The following NRXN3 variants were observed in gnomAD, a reference collection of about 807,000 sequenced individuals.
NRXN3 encodes neurexin 3.
NRXN3 carries 32 observed loss-of-function variants against 137.6 expected under a neutral mutation model. The observed-to-expected ratio is 0.23, with a 90% CI of 0.18 to 0.31. NRXN3 has a LOEUF of 0.31. NRXN3 is among the 10% of genes least tolerant of loss of function. NRXN3 has a pLI of 1.00. For missense variants in NRXN3, 1,574 were observed against 2,062.5 expected, an observed-to-expected ratio of 0.76 and a Z score of 4.59; for synonymous variants, 798 against 784.5, an observed-to-expected ratio of 1.02 and a Z score of -0.29.
intron 4 of NRXN3, among the ~76,000 whole-genome samples, chr14:78,463,613 T>C (rs1353206056): frequency 6.8e-6 from 1 of 148,024 alleles, no homozygotes; most frequent in African/African-American, 2.5e-5. Flanking sequence ...GGTGCACACA[T>C]AATAGATTAT....
At chr14:79,814,259 A>G (rs1286790595) in intron 20 of NRXN3, among the ~76,000 whole-genome samples, 1 of 152,194 alleles carries the variant, frequency 6.6e-6, no homozygotes, top group Non-Finnish European at 1.5e-5. Flanking sequence ...GCAGTCAAGC[A>G]TGTGTCTCTT....
chr14:79,002,371 A>G (rs1011935680), intron 15 of NRXN3, among the ~76,000 whole-genome samples: 1 of 151,942 alleles, frequency 6.6e-6, no homozygotes, highest in African/African-American at 2.4e-5. Context: ...CCCTCCTCTG[A>G]TCCTATCCCC....
chr14:79,366,434 GCTAA>G (rs760921199), intron 15 of NRXN3, among the ~76,000 whole-genome samples: 14 of 151,984 alleles, frequency 9.2e-5, no homozygotes, highest in Non-Finnish European at 5.9e-5. Context: ...TTTTGCACCC[GCTAA>G]CTGTCTCTAC....
intron 6 of NRXN3, chr14:78,695,414 A>T (rs556319958): frequency 1.3e-5 from 2 of 152,162 alleles, no homozygotes; most frequent in East Asian, 3.9e-4. Context: ...TTCTAAGAAC[A>T]TTGTTTGCTT....
intron 15 of NRXN3, among the ~76,000 whole-genome samples, chr14:79,088,533 T>TCG (rs1282520685): frequency 6.6e-6 from 1 of 152,096 alleles, no homozygotes; most frequent in African/African-American, 2.4e-5. Flanking sequence ...ATTATAATTA[T>TCG]CCTCCTTAAG....
intron 16 of NRXN3, among the ~76,000 whole-genome samples, chr14:79,604,633 A>G (rs1047467208): frequency 6.6e-6 from 1 of 152,128 alleles, no homozygotes; most frequent in African/African-American, 2.4e-5. Flanking sequence ...AAATCAGACC[A>G]TAATTTAACC....
chr14:79,059,250 CTTTTT>C (rs869266975), intron 15 of NRXN3, among the ~76,000 whole-genome samples: 2 of 78,316 alleles, frequency 2.6e-5, no homozygotes, highest in South Asian at 4.5e-4. Context: ...AGGCCCTATT[CTTTTT>C]TTTTTTTTTT....
chr14:78,226,177 G>C (rs1325375679), intron 1 of NRXN3, among the ~76,000 whole-genome samples: 1 of 152,030 alleles, frequency 6.6e-6, no homozygotes, highest in East Asian at 1.9e-4. Flanking sequence ...CTAATTTTTT[G>C]TATTTTTAGT....
chr14:78,180,432 A>T (rs1276760457), intron 1 of NRXN3, among the ~76,000 whole-genome samples: 1 of 152,258 alleles, frequency 6.6e-6, no homozygotes, highest in South Asian at 2.1e-4. Context: ...CTGCCGCTGC[A>T]TTAAGTTAAG....
At chr14:79,133,212 T>C (rs2057791458) in intron 15 of NRXN3, among the ~76,000 whole-genome samples, 1 of 152,230 alleles carries the variant, frequency 6.6e-6, no homozygotes, top group African/African-American at 2.4e-5. Flanking sequence ...ATCAGATGCA[T>C]TGGCTAATAC....
chr14:79,754,525 T>C (rs1274551215), intron 19 of NRXN3, among the ~76,000 whole-genome samples: 1 of 55,738 alleles, frequency 1.8e-5, no homozygotes, highest in African/African-American at 1.1e-4. Context: ...TATATATATA[T>C]ATATATATAT....
chr14:78,476,044 A>T (rs1160582227), intron 4 of NRXN3, among the ~76,000 whole-genome samples: 30 of 152,232 alleles, frequency 2.0e-4, no homozygotes, highest in Non-Finnish European at 1.5e-5. Flanking sequence ...GGGAATACAC[A>T]GTAAAAATAA....
Position 78,488,462 on chromosome 14 carries a change from C to T in NRXN3, c.758-156658C>T, listed in dbSNP as rs920103119. 5.3e-5 allele frequency among the ~76,000 whole-genome samples: 8 copies of T among 152,210 alleles called. No homozygotes were observed. In the East Asian group the frequency reaches 1.5e-3, roughly 29 times the overall value. On this transcript the variant is annotated intron_variant, in intron 4 of 20. Coordinates refer to ENST00000335750, the MANE Select transcript of NRXN3 (RefSeq NM_001330195.2). ...TGCATTTAGGTATAGTCGTAACATC[C>T]TAGAAATTAATTTAGAAAGCTGCTT...
chr14:78,262,723 A>G (rs1408264352), intron 2 of NRXN3, among the ~76,000 whole-genome samples: 1 of 152,192 alleles, frequency 6.6e-6, no homozygotes, highest in African/African-American at 2.4e-5. Context: ...TGTTGTTGCC[A>G]GGGACATTTA....
intron 20 of NRXN3, among the ~76,000 whole-genome samples, chr14:79,817,883 G>T (rs1474950573): frequency 1.3e-5 from 2 of 152,028 alleles, no homozygotes; most frequent in Admixed American, 6.6e-5. Context: ...GTTGATGGGG[G>T]TTATAAAATT....
chr14:79,576,343 T>A (rs188854577), intron 16 of NRXN3, among the ~76,000 whole-genome samples: 4 of 152,192 alleles, frequency 2.6e-5, no homozygotes, highest in Non-Finnish European at 4.4e-5. Context: ...AAGAGAGAAA[T>A]CAGAATAGCA....
intron 4 of NRXN3, among the ~76,000 whole-genome samples, chr14:78,424,300 T>C (rs966370374): frequency 2.6e-5 from 4 of 152,218 alleles, no homozygotes; most frequent in African/African-American, 9.6e-5. Flanking sequence ...TTGTCAGTTC[T>C]GAATTTGCAT....
chr14:78,542,977 G>C, intron 4 of NRXN3, among the ~76,000 whole-genome samples: 1 of 152,152 alleles, frequency 6.6e-6, no homozygotes, highest in African/African-American at 2.4e-5. Context: ...TCATCACATT[G>C]ATTCCAGAAC....
At position 79,431,520 on chromosome 14, in the gene NRXN3, T is replaced by A. The variant is rs149187080; in HGVS notation, c.3263-35701T>A. On this transcript the variant is annotated intron_variant, in intron 15 of 20. Coordinates refer to ENST00000335750, the MANE Select transcript of NRXN3 (RefSeq NM_001330195.2). Reference sequence around the variant, plus strand: ...AAAATTCAATGTTTTATACTTAGAATTTTTAAGTAATAACAGATGATGGAT... The same window carrying A: ...AAAATTCAATGTTTTATACTTAGAAATTTTAAGTAATAACAGATGATGGAT... Among the ~76,000 whole-genome samples, 1,161 of 152,274 alleles carry A rather than the reference T, an allele frequency of 7.6e-3. 18 individuals are homozygous for A. Among genetic ancestry groups the A allele is most frequent in the African/African-American group, 0.027 (1,108 of 41,558 alleles).
Sources: gnomAD v4.1 joint callset for allele counts (sites outside exome capture counted in the v4.1 genomes callset) on GRCh38, gnomAD v4.1.1 for gene constraint, MANE v1.5 for transcripts, NCBI Gene and HGNC (gene_info 2026-07-23, HGNC 2026-07-21) for gene names.